The following TBC1D16 variants were observed in gnomAD, a reference collection of about 807,000 sequenced individuals.
The protein encoded by TBC1D16 is TBC1 domain family member 16.
Under a neutral mutation model 74.7 loss-of-function variants are expected in TBC1D16, and 58 were observed. The observed-to-expected ratio is 0.78, with a 90% CI of 0.63 to 0.97. TBC1D16 has a LOEUF of 0.97. TBC1D16 is among the 50% of genes least tolerant of loss of function. The pLI is 0.00. For missense variants in TBC1D16, 1,014 were observed against 1,079.5 expected, an observed-to-expected ratio of 0.94 and a Z score of 0.85; for synonymous variants, 493 against 474.7, an observed-to-expected ratio of 1.04 and a Z score of -0.50.
intron 3 of TBC1D16, among the ~76,000 whole-genome samples, chr17:79,973,383 G>A (rs927298424): frequency 6.6e-6 from 1 of 152,008 alleles, no homozygotes; most frequent in East Asian, 1.9e-4. Flanking sequence ...AACCAGCCTG[G>A]GTAACACAGT....
chr17:80,014,186 A>G (rs1257895490), intron 1 of TBC1D16, among the ~76,000 whole-genome samples: 1 of 151,998 alleles, frequency 6.6e-6, no homozygotes. Context: ...GTGAAACATC[A>G]TCTCTACCAA....
In TBC1D16 at chr17:80,010,589, C is replaced by T. The variant is rs753679159; in HGVS notation, c.350G>A (p.Arg117Gln). Residue 117 changes from arginine to glutamine, a missense_variant, in exon 3 of 12, where the codon CGG becomes CAG. Arg to Gln is a conservative substitution (Grantham distance 43). Transcript: ENST00000310924. The surrounding 1 kb of genome is among the most constrained non-coding windows in gnomAD (Gnocchi z 8.8). ...KAPRPRGRRT[R>Q]SSGASHQPSP... ...GGGCTGGTGGGAGGCTCCTGAGCTC[C>T]GGGTGCGCCGGCCCCGAGGGCGGGG... 43 of 1,590,496 alleles carry T rather than the reference C, an allele frequency of 2.7e-5. No individual in the cohort carries two copies. Among genetic ancestry groups the T allele is most frequent in the South Asian group, 1.0e-4 (9 of 87,736 alleles).
In TBC1D16 at chr17:80,009,358, G is replaced by A. The variant is rs772469464; in HGVS notation, c.779+802C>T. On this transcript the variant is annotated intron_variant, in intron 3 of 11. Coordinates refer to ENST00000310924, the MANE Select transcript of TBC1D16 (RefSeq NM_019020.4). This position sits in a 1 kb window ranked among gnomAD's most constrained non-coding sequence, Gnocchi z 5.4. ...CCCCCTGTGCTGGCTCTGGGGCTCCGGGCTTATGCGACCACACGGGCACTC... is the reference window on the plus strand; with the variant it reads ...CCCCCTGTGCTGGCTCTGGGGCTCCAGGCTTATGCGACCACACGGGCACTC... 9.2e-5 allele frequency among the ~76,000 whole-genome samples: 14 copies of A among 152,316 alleles called. No homozygotes were observed. Among genetic ancestry groups the A allele is most frequent in the Middle Eastern group, 3.4e-3 (1 of 294 alleles).
At chr17:80,002,895 G>C (rs1053959731) in intron 3 of TBC1D16, among the ~76,000 whole-genome samples, 1 of 152,218 alleles carries the variant, frequency 6.6e-6, no homozygotes, top group Non-Finnish European at 1.5e-5. Flanking sequence ...GGAAGCACCC[G>C]GGAACGGTGG....
rs762439618 is a variant in TBC1D16 at position 79,948,897 on chromosome 17, C to T, written c.1516G>A (p.Asp506Asn). ...DRNNQFFRGE[D>N]NPNVESMRRI... is the part of the protein sequence containing the mutation. ...CTCATGCTCTCCACATTGGGATTGTCTTCCCCCCGGAAGAACTGGTTGTTC... is the reference window on the plus strand; with the variant it reads ...CTCATGCTCTCCACATTGGGATTGTTTTCCCCCCGGAAGAACTGGTTGTTC... The change falls in exon 8 of 12, where the codon GAC becomes AAC. Residue 506 changes from aspartate (D) to asparagine (N), a missense_variant. Asp to Asn is a conservative substitution (Grantham distance 23). Transcript: ENST00000310924. The T allele has an allele frequency of 1.1e-5, 17 of 1,614,148 alleles. No homozygotes were observed. The East Asian group carries it at 3.1e-4, about 30-fold the overall frequency.
intron 3 of TBC1D16, among the ~76,000 whole-genome samples, chr17:79,973,466 T>C (rs1236051906): frequency 2.0e-5 from 3 of 152,116 alleles, no homozygotes; most frequent in South Asian, 4.1e-4. Context: ...TCCCAGCACT[T>C]TGGAAGGCCA....
chr17:79,960,136 A>C (rs1395104028), intron 3 of TBC1D16, among the ~76,000 whole-genome samples: 1 of 152,166 alleles, frequency 6.6e-6, no homozygotes, highest in Non-Finnish European at 1.5e-5. Flanking sequence ...AAATAAAAAG[A>C]TAAGCCACAG....
intron 1 of TBC1D16, among the ~76,000 whole-genome samples, chr17:80,015,918 G>A (rs1467013897): frequency 6.6e-6 from 1 of 151,202 alleles, no homozygotes; most frequent in Non-Finnish European, 1.5e-5. Context: ...GGCTGAAGCA[G>A]GAGAATCGCT....
Position 79,950,362 on chromosome 17 carries a change from G to T in TBC1D16, c.1257+49C>A. 6.5e-7 allele frequency: 1 copy of T among 1,536,668 alleles called. No individual in the cohort carries two copies. The highest frequency in any genetic ancestry group is 1.2e-5 in the South Asian group (1 of 80,782). ...CCTCCTTCCCTCTCGCTCGTTCCCG[G>T]TTCCCGGCCGGCTCTCCGCGGGGCC... On this transcript the variant is annotated intron_variant, in intron 6 of 11. Transcript: ENST00000310924. This position sits in a 1 kb window ranked among gnomAD's most constrained non-coding sequence, Gnocchi z 4.6.
chr17:80,031,761 G>C (rs2036784632), intron 1 of TBC1D16, among the ~76,000 whole-genome samples: 1 of 152,186 alleles, frequency 6.6e-6, no homozygotes, highest in Non-Finnish European at 1.5e-5. Flanking sequence ...ACTAAGGAAA[G>C]ACTAAACACA....
intron 3 of TBC1D16, among the ~76,000 whole-genome samples, chr17:80,005,536 T>G (rs2035642420): frequency 6.6e-6 from 1 of 152,200 alleles, no homozygotes; most frequent in South Asian, 2.1e-4. Flanking sequence ...AGGACCAAGA[T>G]AGCCCAGGGC....
chr17:79,936,914 G>GTGCC lies in TBC1D16; in HGVS notation c.*3944_*3945insGGCA, dbSNP rs1265990273. The stretch of plus-strand genomic sequence containing the variant: ...TGCGTGCGTGTGTGCATGTGCGTGT[G>GTGCC]TGTGTGTGTGTGTGTGTGTGTGTGT... On this transcript the variant is annotated 3_prime_UTR_variant, in exon 12 of 12. Transcript: ENST00000310924. 1.0e-5 allele frequency: 1 copy of GTGCC among 97,332 alleles called. No individual in the cohort carries two copies. The highest frequency in any genetic ancestry group is 3.4e-5 in the African/African-American group (1 of 29,254). 6.0% of individuals were successfully genotyped at this position (97,332 alleles called of 1,614,324 possible).
intron 3 of TBC1D16, among the ~76,000 whole-genome samples, chr17:79,960,659 G>T (rs2033551868): frequency 1.3e-5 from 2 of 151,756 alleles, no homozygotes; most frequent in African/African-American, 4.8e-5. Flanking sequence ...CAGAGGCTGA[G>T]GCAGGAGAAT....
intron 3 of TBC1D16, among the ~76,000 whole-genome samples, chr17:79,972,411 G>A (rs1184605214): frequency 6.6e-6 from 1 of 152,064 alleles, no homozygotes; most frequent in Non-Finnish European, 1.5e-5. Context: ...TCCTGACCTC[G>A]TGGTCCACCC....
chr17:80,023,578 G>C (rs2036363053), intron 1 of TBC1D16, among the ~76,000 whole-genome samples: 2 of 149,988 alleles, frequency 1.3e-5, no homozygotes, highest in Non-Finnish European at 2.9e-5. Flanking sequence ...ACAGCCCACT[G>C]GTCCAGGCTG....
intron 9 of TBC1D16, among the ~76,000 whole-genome samples, chr17:79,945,883 C>G (rs921040351): frequency 3.9e-5 from 6 of 152,240 alleles, no homozygotes; most frequent in African/African-American, 1.4e-4. Context: ...TGGGGCAGAG[C>G]TCGGGGCCAC....
At position 80,008,459 on chromosome 17, in the gene TBC1D16, C is replaced by T. The variant is rs989688065; in HGVS notation, c.779+1701G>A. Among the ~76,000 whole-genome samples the T allele has an allele frequency of 4.6e-5, 7 of 152,176 alleles. No individual in the cohort carries two copies. The highest frequency in any genetic ancestry group is 7.2e-5 in the African/African-American group (3 of 41,434). ...GCCACAGAATCCTCAGCCCCAAGAC[C>T]GTGGGCCAACCCCACCACCTCTCTG... On this transcript the variant is annotated intron_variant, in intron 3 of 11. Transcript: ENST00000310924. The surrounding 1 kb of genome is among the most constrained non-coding windows in gnomAD (Gnocchi z 4.5).
In TBC1D16 at chr17:80,010,023, ACGGCCACAGCCG is replaced by A; in HGVS notation, c.779+125_779+136del. 9.4e-6 allele frequency: 7 copies of A among 743,066 alleles called. No individual in the cohort carries two copies. In the South Asian group the frequency reaches 1.1e-4, roughly 12 times the overall value. The allele number at this position is 743,066 out of a possible 1,614,324, so 46.0% of individuals were successfully genotyped here. On this transcript the variant is annotated intron_variant, in intron 3 of 11. Coordinates refer to ENST00000310924, the MANE Select transcript of TBC1D16 (RefSeq NM_019020.4). The surrounding 1 kb of genome is among the most constrained non-coding windows in gnomAD (Gnocchi z 8.8). Reference sequence around the variant, plus strand: ...TCAGGGAGGGGCTCCTGCCACAGCCACGGCCACAGCCGCGGGCAGGTCGGGCAGATGCCTCCA... The same window carrying A: ...TCAGGGAGGGGCTCCTGCCACAGCCACGGGCAGGTCGGGCAGATGCCTCCA...
chr17:79,957,968 A>G (rs2033416569), intron 3 of TBC1D16, among the ~76,000 whole-genome samples: 1 of 152,132 alleles, frequency 6.6e-6, no homozygotes, highest in African/African-American at 2.4e-5. Flanking sequence ...AAAGAAAAAT[A>G]TAAATGCCCA....
Sources: gnomAD v4.1 joint callset for allele counts (sites outside exome capture counted in the v4.1 genomes callset) on GRCh38, gnomAD v4.1.1 for gene constraint, Gnocchi (gnomAD v3.1) non-coding constraint, MANE v1.5 for transcripts, NCBI Gene and HGNC (gene_info 2026-07-23, HGNC 2026-07-21) for gene names.